RSU1: variants seen among roughly 807,000 people sequenced by gnomAD.
RSU1 encodes Ras suppressor protein 1.
RSU1 carries 26 observed loss-of-function variants against 31.1 expected under a neutral mutation model. The observed-to-expected ratio is 0.84, with a 90% CI of 0.61 to 1.16. The LOEUF (loss-of-function observed/expected upper bound fraction) is 1.16. Among genes scored for constraint, RSU1 ranks in the 50% most tolerant of loss-of-function variants. The pLI, the probability that RSU1 is intolerant of heterozygous loss-of-function variation, is 0.00. For synonymous variants in RSU1, 164 were observed against 136.3 expected (o/e 1.20, Z -1.41); for missense variants, 320 against 339.1 (o/e 0.94, Z 0.44).
chr10:16,598,035 C>G (rs534082206), intron 8 of RSU1, among the ~76,000 whole-genome samples: 1 of 152,230 alleles, frequency 6.6e-6, no homozygotes. Flanking sequence ...CTGCCAGTTA[C>G]GAGCCACGGG....
chr10:16,594,641 TATATA>T (rs1391595106), intron 8 of RSU1, among the ~76,000 whole-genome samples: 2 of 144,124 alleles, frequency 1.4e-5, no homozygotes, highest in African/African-American at 5.3e-5. Context: ...GATAATATGA[TATATA>T]TGATATATAT....
At position 16,685,023 on chromosome 10, in the gene RSU1, G is replaced by A. The variant is rs140745338; in HGVS notation, c.731+10000C>T. Among the ~76,000 whole-genome samples, 16 of 152,178 alleles carry A rather than the reference G, an allele frequency of 1.1e-4. No homozygotes were observed. In the East Asian group the frequency reaches 2.3e-3, roughly 22 times the overall value. On this transcript the variant is annotated intron_variant, in intron 8 of 8. Coordinates refer to ENST00000345264, the MANE Select transcript of RSU1 (RefSeq NM_012425.4). The stretch of plus-strand genomic sequence containing the variant: ...AGGACTTTGGGAGGCTGAGGTGAGC[G>A]GATCACCTGAGGTCACGGGTTTGGG...
intron 7 of RSU1, among the ~76,000 whole-genome samples, chr10:16,697,657 G>A (rs11254158): frequency 0.31 from 45,511 of 146,730 alleles, 7,796 homozygotes; most frequent in Middle Eastern, 0.42. Flanking sequence ...GAGCAAGACT[G>A]TCTTAAAAAA....
intron 7 of RSU1, among the ~76,000 whole-genome samples, chr10:16,724,233 G>A (rs190325908): frequency 1.6e-4 from 25 of 152,256 alleles, no homozygotes; most frequent in African/African-American, 4.3e-4. Context: ...ATGAGCCACC[G>A]GGCCCAGCTG....
chr10:16,812,815 C>T (rs1387931483), intron 2 of RSU1, among the ~76,000 whole-genome samples: 3 of 151,980 alleles, frequency 2.0e-5, no homozygotes, highest in African/African-American at 4.8e-5. Flanking sequence ...AAAGTTCCTC[C>T]GGCTACAGCT....
At chr10:16,658,119 A>C (rs3847361) in intron 8 of RSU1, among the ~76,000 whole-genome samples, 9,002 of 152,232 alleles carry the variant, frequency 0.059, 911 homozygotes, top group African/African-American at 0.2. Context: ...AAACATGGAG[A>C]ATTTTAGCAG....
chr10:16,659,617 C>T (rs1137805), intron 8 of RSU1, among the ~76,000 whole-genome samples: 94,782 of 151,962 alleles, frequency 0.62, 30,222 homozygotes, highest in African/African-American at 0.77. Context: ...ACTACACTGG[C>T]ACCCTAATAC....
intron 7 of RSU1, among the ~76,000 whole-genome samples, chr10:16,730,728 A>G (rs898757968): frequency 5.9e-5 from 9 of 152,236 alleles, no homozygotes; most frequent in African/African-American, 2.2e-4. Flanking sequence ...AATCACTGAG[A>G]ATCCCAACAT....
chr10:16,769,162 T>G (rs911044249), intron 3 of RSU1, among the ~76,000 whole-genome samples: 6 of 152,258 alleles, frequency 3.9e-5, no homozygotes, highest in African/African-American at 1.4e-4. Context: ...AATCGCAGTT[T>G]CAATTCTGTT....
At position 16,782,201 on chromosome 10, in the gene RSU1, G is replaced by T. The variant is rs369751791; in HGVS notation, c.110-117C>A. The T allele has an allele frequency of 9.1e-5, 66 of 723,134 alleles. No individual in the cohort carries two copies. In the East Asian group the frequency reaches 1.1e-3, roughly 12 times the overall value. The allele number at this position is 723,134 out of a possible 1,614,324, so 44.8% of individuals were successfully genotyped here. A position where few individuals can be genotyped will look rare whatever the true frequency, so the allele number is the denominator to read the frequency against. ...TATTTTCACAGGTTGAAGCACTATC[G>T]CTCACCAAAATAGAAGCTAGGATTC... On this transcript the variant is annotated intron_variant, in intron 2 of 8. Transcript: ENST00000345264.
chr10:16,780,340 C>T (rs1837626256), intron 3 of RSU1, among the ~76,000 whole-genome samples: 1 of 152,186 alleles, frequency 6.6e-6, no homozygotes, highest in African/African-American at 2.4e-5. Flanking sequence ...TCACTGCAAC[C>T]TCGACCTACT....
rs1833548677 is a variant in RSU1, at chr10:16,593,467, G to C, written c.761C>G (p.Pro254Arg). The C allele has an allele frequency of 6.2e-7, 1 of 1,614,072 alleles. No homozygotes were observed. The highest frequency in any genetic ancestry group is 2.2e-5 in the East Asian group (1 of 44,876). ...GTCATTATTCTTCTTCGGTGGTTCT[G>C]GGTTGGCCTGCATGTGTCTGCCGTA... ...YLYGRHMQAN[P>R]EPPKKNNDKS... The change falls in exon 9 of 9, where the codon CCA becomes CGA. Residue 254 changes from proline to arginine, a missense_variant. Physicochemically the swap from Pro to Arg is moderately radical, Grantham distance 103. Transcript: ENST00000345264.
intron 8 of RSU1, among the ~76,000 whole-genome samples, chr10:16,674,136 A>G (rs1158744698): frequency 1.3e-5 from 2 of 152,070 alleles, no homozygotes; most frequent in African/African-American, 4.8e-5. Flanking sequence ...GGTCAAACAA[A>G]GCGTCTGTTT....
At chr10:16,610,417 C>T (rs1471851602) in intron 8 of RSU1, among the ~76,000 whole-genome samples, 1 of 152,160 alleles carries the variant, frequency 6.6e-6, no homozygotes. Context: ...GGTGGCCAAC[C>T]CTTGGGCCGT....
intron 8 of RSU1, among the ~76,000 whole-genome samples, chr10:16,635,058 G>A (rs888275348): frequency 6.6e-6 from 1 of 152,112 alleles, no homozygotes; most frequent in Non-Finnish European, 1.5e-5. Flanking sequence ...GGAAGAAAAC[G>A]GACGTCCATA....
At chr10:16,733,663 G>C (rs979155687) in intron 7 of RSU1, among the ~76,000 whole-genome samples, 4 of 152,114 alleles carry the variant, frequency 2.6e-5, no homozygotes, top group Non-Finnish European at 5.9e-5. Context: ...GCTATAACAC[G>C]GACCCAAAAA....
intron 7 of RSU1, among the ~76,000 whole-genome samples, chr10:16,749,808 A>G (rs1471685795): frequency 1.3e-5 from 2 of 152,174 alleles, no homozygotes; most frequent in African/African-American, 2.4e-5. Context: ...ACCATCCAGC[A>G]ACATCTCTCC....
At chr10:16,620,089 C>T (rs1001114478) in intron 8 of RSU1, among the ~76,000 whole-genome samples, 6 of 152,262 alleles carry the variant, frequency 3.9e-5, no homozygotes, top group Middle Eastern at 3.4e-3. Flanking sequence ...TTGGGGGAAA[C>T]TGCTTCAAAT....
At chr10:16,729,464 G>A (rs1223720698) in intron 7 of RSU1, among the ~76,000 whole-genome samples, 2 of 152,120 alleles carry the variant, frequency 1.3e-5, no homozygotes, top group South Asian at 2.1e-4. Flanking sequence ...GGCTGAAAAG[G>A]GAGTGGTAGG....
Sources: allele counts gnomAD v4.1 joint callset (sites outside exome capture counted in the v4.1 genomes callset), GRCh38; gene constraint gnomAD v4.1.1; transcripts MANE v1.5; gene names NCBI Gene and HGNC (gene_info 2026-07-23, HGNC 2026-07-21).